Variants in DLGAP4 observed in about 807,000 individuals in gnomAD.
The protein encoded by DLGAP4 is DLG associated protein 4, also known as disks large-associated protein 4.
A neutral mutation model predicts 86.9 loss-of-function variants in DLGAP4; 18 were observed. That is an observed-to-expected ratio of 0.21 (90% CI 0.14 to 0.31). The LOEUF (loss-of-function observed/expected upper bound fraction) is 0.31. Among genes scored for constraint, DLGAP4 ranks in the 10% least tolerant of loss-of-function variants. The pLI is 1.00. For missense variants in DLGAP4, 1,085 were observed against 1,362.6 expected (o/e 0.80, Z 3.21); for synonymous variants, 548 against 574.3 (o/e 0.95, Z 0.65).
In DLGAP4 at chr20:36,432,837, C is replaced by A; in HGVS notation, c.999+121C>A. The A allele has an allele frequency of 1.5e-6, 2 of 1,305,632 alleles. No individual in the cohort carries two copies. Among genetic ancestry groups the A allele is most frequent in the Admixed American group, 2.3e-5 (1 of 42,962 alleles). The allele number at this position is 1,305,632 out of a possible 1,614,324, so 80.9% of individuals were successfully genotyped here. On this transcript the variant is annotated intron_variant, in intron 3 of 12. Coordinates refer to ENST00000339266, the MANE Select transcript of DLGAP4 (RefSeq NM_001365621.2). This position sits in a 1 kb window ranked among gnomAD's most constrained non-coding sequence, Gnocchi z 6.5. ...TTCATTCTGGGCCTCTGTGGCTCAG[C>A]TATAAAATGGGTGGCCTAGTGGTAC... is the stretch of plus-strand genomic sequence containing the variant.
At chr20:36,416,661 G>T (rs1490439267) in intron 2 of DLGAP4, among the ~76,000 whole-genome samples, 1 of 152,180 alleles carries the variant, frequency 6.6e-6, no homozygotes, top group Non-Finnish European at 1.5e-5. Context: ...CGACTTTTAA[G>T]GTCAGGGAAG....
chr20:36,412,557 T>TACA (rs1360030100), intron 2 of DLGAP4, among the ~76,000 whole-genome samples: 3 of 152,342 alleles, frequency 2.0e-5, no homozygotes, highest in Admixed American at 6.5e-5. Context: ...TGTGACCTTG[T>TACA]ACAAATCATT....
chr20:36,467,040 CTCTCTCTCTCTCTCTCTCTCT>C (rs2034424821), intron 7 of DLGAP4, among the ~76,000 whole-genome samples: 2 of 129,806 alleles, frequency 1.5e-5, no homozygotes, highest in African/African-American at 7.7e-5. Context: ...CTCTCTCTCT[CTCTCTCTCTCTCTCTCTCTCT>C]CTCCCCCCCC....
intron 2 of DLGAP4, among the ~76,000 whole-genome samples, chr20:36,429,321 G>T (rs1349826636): frequency 6.7e-6 from 1 of 148,986 alleles, no homozygotes; most frequent in Non-Finnish European, 1.5e-5. Flanking sequence ...CAAGTGATCT[G>T]CCCTGCCTTG....
chr20:36,354,494 C>T (rs1209482331), intron 1 of DLGAP4, among the ~76,000 whole-genome samples: 12 of 152,214 alleles, frequency 7.9e-5, no homozygotes, highest in African/African-American at 2.9e-4. Flanking sequence ...TTGCTCAGCA[C>T]ATCCGGACTG....
chr20:36,438,633 C>G (rs1039656845), intron 4 of DLGAP4, among the ~76,000 whole-genome samples: 1 of 150,976 alleles, frequency 6.6e-6, no homozygotes, highest in African/African-American at 2.4e-5. Flanking sequence ...CTCAAGTGAC[C>G]CTTCTGCTTT....
At chr20:36,444,658 T>C (rs2033543071) in intron 6 of DLGAP4, among the ~76,000 whole-genome samples, 1 of 152,168 alleles carries the variant, frequency 6.6e-6, no homozygotes, top group Admixed American at 6.5e-5. Flanking sequence ...AATTTTTTTT[T>C]GAGATGGAGT....
intron 7 of DLGAP4, among the ~76,000 whole-genome samples, chr20:36,480,930 C>G (rs115998924): frequency 1.3e-5 from 2 of 151,992 alleles, no homozygotes; most frequent in Non-Finnish European, 2.9e-5. Context: ...TGCTTGAGCC[C>G]GGGCTATCAA....
intron 8 of DLGAP4, chr20:36,497,694 TC>T: frequency 1.0e-6 from 1 of 973,088 alleles, no homozygotes; most frequent in Non-Finnish European, 1.2e-6. Flanking sequence ...AGGCGATGGT[TC>T]CCCAGGGTTA....
chr20:36,511,415 G>A (rs1414584492), intron 10 of DLGAP4, among the ~76,000 whole-genome samples: 1 of 151,924 alleles, frequency 6.6e-6, no homozygotes, highest in African/African-American at 2.4e-5. Context: ...TGTTGTCCAG[G>A]CTGGTCTTGA....
intron 2 of DLGAP4, among the ~76,000 whole-genome samples, chr20:36,377,691 G>A (rs1253770099): frequency 6.6e-6 from 1 of 152,144 alleles, no homozygotes; most frequent in Non-Finnish European, 1.5e-5. Context: ...GGAGGTGGTA[G>A]GATTTCCAGA....
intron 2 of DLGAP4, among the ~76,000 whole-genome samples, chr20:36,401,748 G>A (rs2147484450): frequency 6.6e-6 from 1 of 152,330 alleles, no homozygotes; most frequent in South Asian, 2.1e-4. Flanking sequence ...ACAGAGACGA[G>A]TTTTACAAAA....
chr20:36,415,099 C>G (rs998293175), intron 2 of DLGAP4, among the ~76,000 whole-genome samples: 12 of 152,190 alleles, frequency 7.9e-5, no homozygotes, highest in African/African-American at 2.9e-4. Context: ...AACCCCGTCT[C>G]TACTAAAAAT....
At chr20:36,454,526 C>T (rs923143822) in intron 7 of DLGAP4, among the ~76,000 whole-genome samples, 1 of 152,148 alleles carries the variant, frequency 6.6e-6, no homozygotes, top group Non-Finnish European at 1.5e-5. Flanking sequence ...AACACCAGCA[C>T]ACACAGGCAC....
At chr20:36,459,590 C>T (rs1404750758) in intron 7 of DLGAP4, among the ~76,000 whole-genome samples, 5 of 152,142 alleles carry the variant, frequency 3.3e-5, no homozygotes, top group Non-Finnish European at 7.3e-5. Flanking sequence ...GTTGCCCAGG[C>T]TGGTCTTTTT....
chr20:36,479,261 A>G (rs890146947), intron 7 of DLGAP4, among the ~76,000 whole-genome samples: 3 of 151,906 alleles, frequency 2.0e-5, no homozygotes, highest in Admixed American at 6.6e-5. Flanking sequence ...CTCTACTTAG[A>G]GTCTTCAAAG....
intron 10 of DLGAP4, among the ~76,000 whole-genome samples, chr20:36,502,084 C>G (rs781343591): frequency 6.6e-5 from 10 of 152,280 alleles, no homozygotes; most frequent in South Asian, 2.1e-4. Context: ...ATCATCATTT[C>G]TATTAATTTC....
intron 1 of DLGAP4, among the ~76,000 whole-genome samples, chr20:36,325,780 G>T (rs190089810): frequency 6.6e-6 from 1 of 150,578 alleles, no homozygotes. Flanking sequence ...ACAATGGCAC[G>T]ATCTCGGCTC....
At chr20:36,521,918 T>C (rs1303273114) in intron 10 of DLGAP4, among the ~76,000 whole-genome samples, 4 of 152,226 alleles carry the variant, frequency 2.6e-5, no homozygotes, top group Admixed American at 6.5e-5. Flanking sequence ...AATTTCTTAA[T>C]GAGGTGAATT....
Sources: allele counts gnomAD v4.1 joint callset (sites outside exome capture counted in the v4.1 genomes callset), GRCh38; gene constraint gnomAD v4.1.1; non-coding constraint Gnocchi (gnomAD v3.1); transcripts MANE v1.5; gene names NCBI Gene and HGNC (gene_info 2026-07-23, HGNC 2026-07-21).